Variants in ANO3 observed in about 807,000 individuals in gnomAD.
ANO3 encodes the protein anoctamin-3.
In ANO3, 99 loss-of-function variants were observed where a neutral mutation model predicts 144.8. That is an observed-to-expected ratio of 0.68 (90% CI 0.58 to 0.81). The LOEUF is 0.81. Ranked by LOEUF, ANO3 falls within the 30% of genes least tolerant of loss-of-function variation. The probability of loss-of-function intolerance (pLI) is 0.00; values close to 1 mark genes in which losing one functional copy is unlikely to be tolerated. For synonymous variants in ANO3, 414 were observed against 392.6 expected (o/e 1.05, Z -0.64); for missense variants, 905 against 1,202.2 (o/e 0.75, Z 3.66).
Position 26,370,502 on chromosome 11 carries a change from A to G in ANO3, c.46+38181A>G, listed in dbSNP as rs138121265. On this transcript the variant is annotated intron_variant, in intron 1 of 26. Coordinates refer to ENST00000256737, the MANE Select transcript of ANO3 (RefSeq NM_031418.4). ...GCTGCAAAAATACCCAAAAATGTGG[A>G]GGTGACTTTGGAACTGGGTAACAGG... 5.9e-3 allele frequency among the ~76,000 whole-genome samples: 900 copies of G among 152,264 alleles called. 5 individuals are homozygous for G. Among genetic ancestry groups the G allele is most frequent in the Middle Eastern group, 0.014 (4 of 294 alleles).
intron 1 of ANO3, chr11:26,427,485 TG>T (rs1324623997): frequency 6.6e-6 from 1 of 152,160 alleles, no homozygotes; most frequent in Non-Finnish European, 1.5e-5. Flanking sequence ...CTCTTGCTTT[TG>T]CTGGTCTGGG....
intron 4 of ANO3, among the ~76,000 whole-genome samples, chr11:26,469,194 T>C (rs920371793): frequency 6.6e-6 from 1 of 152,004 alleles, no homozygotes; most frequent in South Asian, 2.1e-4. Flanking sequence ...GAAACCTCTC[T>C]AAGTAAATGG....
intron 6 of ANO3, among the ~76,000 whole-genome samples, chr11:26,518,056 G>A (rs113402410): frequency 0.029 from 4,435 of 151,802 alleles, 107 homozygotes; most frequent in African/African-American, 0.065. Flanking sequence ...AGTTCCTCAA[G>A]GATCTTGGCA....
At chr11:26,586,697 G>A (rs1851295821) in intron 14 of ANO3, among the ~76,000 whole-genome samples, 1 of 46,980 alleles carries the variant, frequency 2.1e-5, no homozygotes, top group East Asian at 1.1e-3. Context: ...TAGAGAGGAG[G>A]TTTCACCGTG....
intron 14 of ANO3, among the ~76,000 whole-genome samples, chr11:26,575,123 A>C (rs72877818): frequency 0.076 from 11,514 of 152,112 alleles, 553 homozygotes; most frequent in Middle Eastern, 0.11. Context: ...TTGAAATATA[A>C]AATATATAAT....
chr11:26,495,273 T>A (rs1319182283), intron 4 of ANO3, among the ~76,000 whole-genome samples: 1 of 144,656 alleles, frequency 6.9e-6, no homozygotes. Context: ...TGGCTGATTT[T>A]TTTTTTTTTT....
At chr11:26,218,605 G>C (rs1554924375) in intron 1 of ANO3, among the ~76,000 whole-genome samples, 4 of 152,072 alleles carry the variant, frequency 2.6e-5, no homozygotes, top group Non-Finnish European at 5.9e-5. Flanking sequence ...CCAAAGAGCT[G>C]TACTGATATA....
chr11:26,529,131 A>ATCTT (rs1491462372), intron 7 of ANO3, among the ~76,000 whole-genome samples: 2 of 1,302 alleles, frequency 1.5e-3, no homozygotes, highest in Non-Finnish European at 0.053. Flanking sequence ...TATTATATAT[A>ATCTT]ATATATATTA....
At chr11:26,378,857 G>A (rs188195897) in intron 1 of ANO3, among the ~76,000 whole-genome samples, 4 of 151,272 alleles carry the variant, frequency 2.6e-5, no homozygotes, top group Non-Finnish European at 5.9e-5. Context: ...AAGGTGCTTG[G>A]CAAAGTTTGT....
chr11:26,294,870 C>CT (rs905405335), intron 1 of ANO3, among the ~76,000 whole-genome samples: 3 of 151,660 alleles, frequency 2.0e-5, no homozygotes, highest in Admixed American at 6.6e-5. Flanking sequence ...GGTCATTTTC[C>CT]TTTTTTTTCT....
chr11:26,221,102 G>A (rs1218888162), intron 1 of ANO3, among the ~76,000 whole-genome samples: 5 of 152,196 alleles, frequency 3.3e-5, no homozygotes, highest in African/African-American at 1.2e-4. Flanking sequence ...AACAGGACAG[G>A]TCTTGTTATG....
Position 26,312,832 on chromosome 11 carries a change from C to T in ANO3, c.-3+3113C>T, listed in dbSNP as rs149125596. On this transcript the variant is annotated intron_variant, in intron 1 of 26. Transcript: ENST00000525139. ...GGTAGTTTCTTTTGCTGTGCAGAGG[C>T]TCTTTAGTTTAATTAGATCTCATTT... is the stretch of plus-strand genomic sequence containing the variant. Among the ~76,000 whole-genome samples the T allele has an allele frequency of 3.4e-3, 512 of 152,220 alleles. 3 individuals are homozygous for T. The highest frequency in any genetic ancestry group is 0.011 in the African/African-American group (476 of 41,540).
intron 1 of ANO3, among the ~76,000 whole-genome samples, chr11:26,387,135 T>TTTA (rs1213406224): frequency 1.2e-5 from 1 of 80,472 alleles, no homozygotes; most frequent in Non-Finnish European, 2.4e-5. Flanking sequence ...GTAGTATTTT[T>TTTA]TTTTTTTTTT....
At chr11:26,464,403 G>A (rs1168902186) in intron 4 of ANO3, among the ~76,000 whole-genome samples, 3 of 151,810 alleles carry the variant, frequency 2.0e-5, no homozygotes, top group African/African-American at 7.2e-5. Context: ...GGAGTTATAA[G>A]AGAAATTAAG....
chr11:26,558,046 T>C (rs995433388), intron 13 of ANO3, among the ~76,000 whole-genome samples: 20 of 152,320 alleles, frequency 1.3e-4, no homozygotes, highest in African/African-American at 4.6e-4. Context: ...GAATATTACA[T>C]GTACTCCAAC....
chr11:26,633,388 G>A (rs191882233), intron 18 of ANO3, among the ~76,000 whole-genome samples: 107 of 152,270 alleles, frequency 7.0e-4, no homozygotes, highest in African/African-American at 2.2e-3. Context: ...GAGATTACCT[G>A]CCAGTCAGGT....
chr11:26,634,142 T>G (rs1852875154), intron 18 of ANO3, 62 bp from the exon 19 acceptor site: 1 of 920,358 alleles, frequency 1.1e-6, no homozygotes. Flanking sequence ...TCTGCCTCCA[T>G]GTCCAGAGTC....
chr11:26,491,385 G>A (rs912482716), intron 4 of ANO3, among the ~76,000 whole-genome samples: 1 of 152,122 alleles, frequency 6.6e-6, no homozygotes, highest in South Asian at 2.1e-4. Flanking sequence ...CAACAACTTC[G>A]ATTGACACAT....
At chr11:26,370,030 A>G (rs1004516023) in intron 1 of ANO3, among the ~76,000 whole-genome samples, 1 of 152,252 alleles carries the variant, frequency 6.6e-6, no homozygotes, top group African/African-American at 2.4e-5. Flanking sequence ...TACCCTATTT[A>G]GAACAGCATA....
Sources: gnomAD v4.1 joint callset for allele counts (sites outside exome capture counted in the v4.1 genomes callset) on GRCh38, gnomAD v4.1.1 for gene constraint, MANE v1.5 for transcripts, NCBI Gene and HGNC (gene_info 2026-07-23, HGNC 2026-07-21) for gene names.